Variants in KIF13B observed in about 807,000 individuals in gnomAD.
KIF13B encodes the protein kinesin-like protein KIF13B.
Under a neutral mutation model 222.0 loss-of-function variants are expected in KIF13B, and 127 were observed. The ratio of observed to expected loss-of-function variants is 0.57; its 90% CI spans 0.50 to 0.66. The LOEUF (loss-of-function observed/expected upper bound fraction) is 0.66. Among genes scored for constraint, KIF13B ranks in the 30% least tolerant of loss-of-function variants. The pLI is 0.00. For synonymous variants in KIF13B, 976 were observed against 919.0 expected (o/e 1.06, Z -1.12); for missense variants, 2,173 against 2,379.0 (o/e 0.91, Z 1.80).
intron 35 of KIF13B, among the ~76,000 whole-genome samples, chr8:29,099,735 C>G (rs1808704984): frequency 6.6e-6 from 1 of 151,936 alleles, no homozygotes; most frequent in Admixed American, 6.6e-5. Flanking sequence ...AATAATCATA[C>G]CCCCCCACAC....
intron 2 of KIF13B, among the ~76,000 whole-genome samples, chr8:29,231,601 A>C (rs112445293): frequency 2.6e-4 from 40 of 152,354 alleles, no homozygotes; most frequent in African/African-American, 9.1e-4. Flanking sequence ...TAAAACACCA[A>C]GTCAGCCAAT....
chr8:29,073,405 G>A (rs1271329452), intron 38 of KIF13B, among the ~76,000 whole-genome samples: 1 of 152,138 alleles, frequency 6.6e-6, no homozygotes, highest in East Asian at 1.9e-4. Flanking sequence ...CACATCTCAT[G>A]GGGGAGAGCA....
intron 2 of KIF13B, among the ~76,000 whole-genome samples, chr8:29,210,739 C>T (rs1814183918): frequency 6.6e-6 from 1 of 152,136 alleles, no homozygotes; most frequent in South Asian, 2.1e-4. Flanking sequence ...ATTTATTTAA[C>T]CCCTCCTGTG....
intron 2 of KIF13B, among the ~76,000 whole-genome samples, chr8:29,229,460 A>T (rs1420487301): frequency 6.6e-6 from 1 of 152,204 alleles, no homozygotes; most frequent in Non-Finnish European, 1.5e-5. Flanking sequence ...TTGTTGTAAG[A>T]TGTCATGAGA....
chr8:29,240,723 T>C lies in KIF13B; in HGVS notation c.149+4623A>G, dbSNP rs568677083. On this transcript the variant is annotated intron_variant, in intron 2 of 39. Transcript: ENST00000524189. Reference sequence around the variant, plus strand: ...GGAGTGTTTGGCTTGGACAGCACTATGTTTGGTTTTGCTTTTTCATTGTAA... The same window carrying C: ...GGAGTGTTTGGCTTGGACAGCACTACGTTTGGTTTTGCTTTTTCATTGTAA... Among the ~76,000 whole-genome samples the C allele has an allele frequency of 1.3e-5, 2 of 152,328 alleles. 1 individual carries two copies. Among genetic ancestry groups the C allele is most frequent in the South Asian group, 4.1e-4 (2 of 4,826 alleles).
At chr8:29,224,888 A>G (rs1814952211) in intron 2 of KIF13B, among the ~76,000 whole-genome samples, 1 of 152,260 alleles carries the variant, frequency 6.6e-6, no homozygotes, top group Non-Finnish European at 1.5e-5. Context: ...GTACAAATGA[A>G]TACAAACAGT....
chr8:29,182,037 T>A (rs761994245), intron 6 of KIF13B, 31 bp from the exon 7 acceptor site: 3 of 1,545,022 alleles, frequency 1.9e-6, no homozygotes, highest in South Asian at 1.1e-5. Flanking sequence ...AATGATTTTT[T>A]AACAATAGCC....
chr8:29,260,916 C>A (rs1816658061), intron 1 of KIF13B, among the ~76,000 whole-genome samples: 1 of 152,164 alleles, frequency 6.6e-6, no homozygotes, highest in Admixed American at 6.5e-5. Context: ...CCGTGCCTGG[C>A]CTGTTTTAGT....
upstream of KIF13B, chr8:29,263,080 A>G (rs1816749975): frequency 7.7e-7 from 1 of 1,304,444 alleles, no homozygotes; most frequent in Non-Finnish European, 1.0e-6. Flanking sequence ...TGCCGCGGCC[A>G]CCGGCGACTC....
intron 37 of KIF13B, among the ~76,000 whole-genome samples, chr8:29,084,741 C>T (rs1013724032): frequency 6.6e-6 from 1 of 152,188 alleles, no homozygotes; most frequent in African/African-American, 2.4e-5. Flanking sequence ...AGCTATTATG[C>T]CAAATTAATT....
chr8:29,155,268 C>T lies in KIF13B; in HGVS notation c.1535+458G>A, dbSNP rs114806516. 3.2e-3 allele frequency among the ~76,000 whole-genome samples: 485 copies of T among 152,266 alleles called. 3 individuals carry two copies. Among genetic ancestry groups the T allele is most frequent in the African/African-American group, 0.011 (459 of 41,560 alleles). ...GCACTGCCACAACAGGGCGATGGTC[C>T]GATACCTCTTAAGGGCAGTGCATTC... On this transcript the variant is annotated intron_variant, in intron 14 of 39. Coordinates refer to ENST00000524189, the MANE Select transcript of KIF13B (RefSeq NM_015254.4).
intron 3 of KIF13B, among the ~76,000 whole-genome samples, chr8:29,192,712 G>A (rs372816444): frequency 1.7e-3 from 263 of 152,174 alleles, no homozygotes; most frequent in African/African-American, 6.2e-3. Flanking sequence ...AGAAAATTAG[G>A]TTAAGATGGT....
chr8:29,074,360 G>A (rs1807455635), intron 38 of KIF13B, among the ~76,000 whole-genome samples: 1 of 152,256 alleles, frequency 6.6e-6, no homozygotes, highest in Non-Finnish European at 1.5e-5. Context: ...CAGGGAGCAG[G>A]ATGGTGGAAA....
chr8:29,252,553 G>T (rs1016829399), intron 1 of KIF13B, among the ~76,000 whole-genome samples: 3 of 152,044 alleles, frequency 2.0e-5, no homozygotes, highest in African/African-American at 7.2e-5. Flanking sequence ...AAATTCATTT[G>T]GGTTCATTTT....
At chr8:29,076,057 C>A (rs1807543875) in intron 37 of KIF13B, among the ~76,000 whole-genome samples, 1 of 152,052 alleles carries the variant, frequency 6.6e-6, no homozygotes, top group Admixed American at 6.5e-5. Flanking sequence ...GACACATGGG[C>A]CAGGGAACAT....
intron 22 of KIF13B, 84 bp downstream of exon 22, chr8:29,133,956 T>G: frequency 7.6e-7 from 1 of 1,319,598 alleles, no homozygotes. Flanking sequence ...AACGGCACAT[T>G]TAGTCAAAGA....
intron 36 of KIF13B, among the ~76,000 whole-genome samples, chr8:29,094,148 C>T (rs938772903): frequency 1.3e-5 from 2 of 152,102 alleles, no homozygotes; most frequent in African/African-American, 4.8e-5. Flanking sequence ...CCCGACCACA[C>T]ATCCACACCC....
chr8:29,115,283 A>G (rs1809539780), intron 31 of KIF13B, among the ~76,000 whole-genome samples: 1 of 151,894 alleles, frequency 6.6e-6, no homozygotes, highest in Non-Finnish European at 1.5e-5. Flanking sequence ...CCCAGACGCA[A>G]TCTCCCAAAT....
chr8:29,071,788 C>A lies in KIF13B; in HGVS notation c.5050G>T (p.Gly1684Ter). ...TCGGAATCAGAGGCCAGGGCCTGTC[C>A]CCCGGCGCCCGGGGCCGGCGCATTC... ...EGNAPAPGAGGQALASDSEEA... is the reference protein window; with the variant it reads ...EGNAPAPGAG The change falls in exon 39 of 40, where the codon GGA becomes TGA. Residue 1684 changes from glycine (G) to a stop codon, truncating the protein, a stop_gained. Transcript: ENST00000524189. LOFTEE classifies it high-confidence loss of function. This position sits in a 1 kb window ranked among gnomAD's most constrained non-coding sequence, Gnocchi z 4.9. 6.5e-7 allele frequency: 1 copy of A among 1,547,546 alleles called. No individual in the cohort carries two copies. Among genetic ancestry groups the A allele is most frequent in the Non-Finnish European group, 8.7e-7 (1 of 1,146,364 alleles).
Sources: allele counts gnomAD v4.1 joint callset (sites outside exome capture counted in the v4.1 genomes callset), GRCh38; gene constraint gnomAD v4.1.1; non-coding constraint Gnocchi (gnomAD v3.1); transcripts MANE v1.5; gene names NCBI Gene and HGNC (gene_info 2026-07-23, HGNC 2026-07-21).